The following AGBL1 variants were observed in gnomAD, a reference collection of about 807,000 sequenced individuals.
AGBL1 encodes the protein AGBL carboxypeptidase 1, also known as cytosolic carboxypeptidase 4.
In AGBL1, 130 loss-of-function variants were observed where a neutral mutation model predicts 118.9. The ratio of observed to expected loss-of-function variants is 1.09; its 90% CI spans 0.95 to 1.26. The LOEUF is 1.26. Ranked by LOEUF, AGBL1 falls within the 50% of genes most tolerant of loss-of-function variation. The probability of loss-of-function intolerance (pLI) is 0.00; values close to 1 mark genes in which losing one functional copy is unlikely to be tolerated. For missense variants in AGBL1, 1,584 were observed against 1,298.1 expected (o/e 1.22, Z -3.38); for synonymous variants, 555 against 478.9 (o/e 1.16, Z -2.08).
chr15:86,433,503 A>G lies in AGBL1; in HGVS notation c.2555+35957A>G, dbSNP rs572724432. Reference sequence around the variant, plus strand: ...TGAAATATATCTGTCTAAGAAAACCAGTTGCTCCCAAATCCTGCCCCTTGA... The same window carrying G: ...TGAAATATATCTGTCTAAGAAAACCGGTTGCTCCCAAATCCTGCCCCTTGA... On this transcript the variant is annotated intron_variant, in intron 18 of 22. Transcript: ENST00000614907. Among the ~76,000 whole-genome samples, 38 of 152,200 alleles carry G rather than the reference A, an allele frequency of 2.5e-4. 1 individual carries two copies. In the South Asian group the frequency reaches 7.7e-3, roughly 31 times the overall value.
chr15:86,352,159 G>C (rs1000457030), intron 17 of AGBL1, among the ~76,000 whole-genome samples: 1 of 152,164 alleles, frequency 6.6e-6, no homozygotes, highest in Non-Finnish European at 1.5e-5. Context: ...GCCATTTCTA[G>C]ACTTGAACAG....
chr15:86,692,541 T>C (rs1401460744), intron 22 of AGBL1, among the ~76,000 whole-genome samples: 2 of 151,972 alleles, frequency 1.3e-5, no homozygotes, highest in Admixed American at 6.6e-5. Flanking sequence ...AGGAGGGAGG[T>C]TGAGGAATAA....
intron 22 of AGBL1, among the ~76,000 whole-genome samples, chr15:86,905,740 C>T (rs531200810): frequency 2.4e-4 from 37 of 152,300 alleles, no homozygotes; most frequent in African/African-American, 7.9e-4. Context: ...ATGACACTGA[C>T]ACCTCCATAC....
intron 18 of AGBL1, among the ~76,000 whole-genome samples, chr15:86,455,235 TAGG>T (rs2082245611): frequency 6.6e-6 from 1 of 152,142 alleles, no homozygotes; most frequent in South Asian, 2.1e-4. Context: ...GCCTGGTACA[TAGG>T]AGGCACACCA....
At chr15:86,392,464 T>C (rs927396030) in intron 17 of AGBL1, among the ~76,000 whole-genome samples, 1 of 152,200 alleles carries the variant, frequency 6.6e-6, no homozygotes, top group African/African-American at 2.4e-5. Flanking sequence ...GTGCCTTTCT[T>C]TCCTACCAGA....
At chr15:86,970,076 G>A (rs538103941) in intron 23 of AGBL1, among the ~76,000 whole-genome samples, 1 of 151,892 alleles carries the variant, frequency 6.6e-6, no homozygotes, top group East Asian at 2.0e-4. Context: ...AAGGCATGGG[G>A]AGCCCAAAAG....
At chr15:86,301,697 G>A (rs1439336420) in intron 17 of AGBL1, among the ~76,000 whole-genome samples, 1 of 139,962 alleles carries the variant, frequency 7.1e-6, no homozygotes, top group Non-Finnish European at 1.5e-5. Flanking sequence ...TGTGTGTGAT[G>A]TCAAACGGGT....
intron 1 of AGBL1, among the ~76,000 whole-genome samples, chr15:86,132,611 A>G (rs546830890): frequency 6.6e-6 from 1 of 152,290 alleles, no homozygotes; most frequent in East Asian, 1.9e-4. Context: ...ATAGAGATGG[A>G]GCCTGCTTTC....
At chr15:86,968,635 C>G (rs777796935) in intron 23 of AGBL1, among the ~76,000 whole-genome samples, 19 of 151,908 alleles carry the variant, frequency 1.3e-4, no homozygotes, top group Non-Finnish European at 2.5e-4. Context: ...GGAAAGCAGA[C>G]TCAATCAACT....
intron 1 of AGBL1, chr15:86,109,966 C>A (rs1330529897): frequency 6.6e-6 from 1 of 152,230 alleles, no homozygotes; most frequent in East Asian, 1.9e-4. Context: ...CTAAATAGAT[C>A]CTCAACTCAA....
chr15:86,565,350 G>T (rs1485303495), intron 21 of AGBL1, among the ~76,000 whole-genome samples: 2 of 152,374 alleles, frequency 1.3e-5, no homozygotes, highest in South Asian at 2.1e-4. Flanking sequence ...CCTTCTAACA[G>T]TCAGGACCCT....
intron 18 of AGBL1, among the ~76,000 whole-genome samples, chr15:86,448,326 G>T (rs1437301021): frequency 6.6e-6 from 1 of 152,124 alleles, no homozygotes; most frequent in Non-Finnish European, 1.5e-5. Context: ...CTACTCTTGG[G>T]TAACTCCTGT....
At chr15:86,930,590 A>G (rs2080593131) in intron 23 of AGBL1, among the ~76,000 whole-genome samples, 1 of 152,128 alleles carries the variant, frequency 6.6e-6, no homozygotes, top group South Asian at 2.1e-4. Flanking sequence ...AAAATAAACA[A>G]TTATTTTCAG....
At chr15:86,129,408 G>T (rs1272332827) in intron 1 of AGBL1, among the ~76,000 whole-genome samples, 2 of 152,178 alleles carry the variant, frequency 1.3e-5, no homozygotes, top group Non-Finnish European at 2.9e-5. Flanking sequence ...GCTCCATAAA[G>T]CTCCAAGCCC....
chr15:86,869,188 A>G (rs1415267027), intron 22 of AGBL1, among the ~76,000 whole-genome samples: 13 of 152,218 alleles, frequency 8.5e-5, no homozygotes, highest in Non-Finnish European at 1.6e-4. Context: ...CCACTGGGTA[A>G]GACAGAGAGG....
intron 22 of AGBL1, among the ~76,000 whole-genome samples, chr15:86,782,726 G>GA (rs11440216): frequency 0.023 from 3,448 of 152,260 alleles, 138 homozygotes; most frequent in African/African-American, 0.079. Flanking sequence ...AGGGAAGTAA[G>GA]AAAAATCTAC....
chr15:86,329,272 A>G (rs2080235028), intron 17 of AGBL1, among the ~76,000 whole-genome samples: 1 of 152,014 alleles, frequency 6.6e-6, no homozygotes, highest in African/African-American at 2.4e-5. Context: ...TGCCTGGACC[A>G]GCAGCCTGAG....
chr15:86,470,974 G>C (rs181258156), intron 18 of AGBL1, among the ~76,000 whole-genome samples: 1 of 152,230 alleles, frequency 6.6e-6, no homozygotes, highest in Middle Eastern at 3.4e-3. Context: ...TGCAAGCAGA[G>C]ATAATTTTAC....
At chr15:86,377,832 A>G (rs532495834) in intron 17 of AGBL1, among the ~76,000 whole-genome samples, 8 of 152,240 alleles carry the variant, frequency 5.3e-5, no homozygotes, top group African/African-American at 1.7e-4. Context: ...CTCTGTTTTT[A>G]TCTTCTAGAG....
Sources: gnomAD v4.1 joint callset for allele counts (sites outside exome capture counted in the v4.1 genomes callset) on GRCh38, gnomAD v4.1.1 for gene constraint, MANE v1.5 for transcripts, NCBI Gene and HGNC (gene_info 2026-07-23, HGNC 2026-07-21) for gene names.